Variants in ANKS1B observed in about 807,000 individuals in gnomAD.
The protein encoded by ANKS1B is ankyrin repeat and sterile alpha motif domain containing 1B.
ANKS1B carries 36 observed loss-of-function variants against 148.3 expected under a neutral mutation model. The ratio of observed to expected loss-of-function variants is 0.24; its 90% CI spans 0.19 to 0.32. ANKS1B has a LOEUF of 0.32. Among genes scored for constraint, ANKS1B ranks in the 10% least tolerant of loss-of-function variants. The pLI is 1.00. For synonymous variants in ANKS1B, 542 were observed against 560.8 expected (o/e 0.97, Z 0.47); for missense variants, 1,157 against 1,542.6 (o/e 0.75, Z 4.19).
intron 11 of ANKS1B, among the ~76,000 whole-genome samples, chr12:99,423,789 A>G (rs1371873545): frequency 1.3e-5 from 2 of 152,204 alleles, no homozygotes; most frequent in Non-Finnish European, 2.9e-5. Flanking sequence ...CTAAATGGTG[A>G]GAACATGTGA....
intron 1 of ANKS1B, among the ~76,000 whole-genome samples, chr12:99,949,503 T>C (rs541951367): frequency 6.6e-6 from 1 of 152,240 alleles, no homozygotes; most frequent in African/African-American, 2.4e-5. Flanking sequence ...AATAAGTTAC[T>C]GTAATAGTTC....
At chr12:99,484,011 CTTTG>C (rs2096453153) in intron 10 of ANKS1B, among the ~76,000 whole-genome samples, 1 of 151,622 alleles carries the variant, frequency 6.6e-6, no homozygotes, top group African/African-American at 2.4e-5. Context: ...TTGCTTTGAT[CTTTG>C]TTATCTTTTT....
At chr12:99,928,146 T>C (rs986637044) in intron 1 of ANKS1B, among the ~76,000 whole-genome samples, 4 of 152,090 alleles carry the variant, frequency 2.6e-5, no homozygotes, top group South Asian at 2.1e-4. Context: ...AATATAAATG[T>C]TATCCTAAGA....
chr12:98,881,326 CTT>C (rs1207844252), intron 17 of ANKS1B, among the ~76,000 whole-genome samples: 2 of 152,054 alleles, frequency 1.3e-5, no homozygotes, highest in Non-Finnish European at 2.9e-5. Flanking sequence ...GCTTTTATAG[CTT>C]TCCAGGTAGC....
chr12:99,025,035 G>T (rs1275715435), intron 17 of ANKS1B, among the ~76,000 whole-genome samples: 3 of 152,062 alleles, frequency 2.0e-5, no homozygotes, highest in African/African-American at 7.2e-5. Flanking sequence ...CCAAAACCTG[G>T]TGATTCCCCG....
At chr12:98,970,436 C>T (rs1430703867) in intron 17 of ANKS1B, among the ~76,000 whole-genome samples, 1 of 152,194 alleles carries the variant, frequency 6.6e-6, no homozygotes, top group Non-Finnish European at 1.5e-5. Context: ...ACCTGGCACA[C>T]AGCAGGCATT....
At chr12:99,564,787 A>G (rs907331662) in intron 9 of ANKS1B, among the ~76,000 whole-genome samples, 1 of 152,118 alleles carries the variant, frequency 6.6e-6, no homozygotes, top group African/African-American at 2.4e-5. Context: ...TATATCTTGA[A>G]ATTTTTCAAA....
chr12:99,752,792 A>G (rs2061232013), intron 8 of ANKS1B, among the ~76,000 whole-genome samples: 1 of 151,996 alleles, frequency 6.6e-6, no homozygotes, highest in Admixed American at 6.6e-5. Flanking sequence ...TCATTTTTTC[A>G]TCCATATAAA....
At chr12:99,627,908 C>T (rs1334351517) in intron 9 of ANKS1B, among the ~76,000 whole-genome samples, 1 of 152,142 alleles carries the variant, frequency 6.6e-6, no homozygotes, top group Non-Finnish European at 1.5e-5. Flanking sequence ...GCACCAACTA[C>T]TTGCTCACTG....
At chr12:99,506,514 CTGAAACCATGTCAGAGAAGAAATGA>C (rs1297650678) in intron 9 of ANKS1B, among the ~76,000 whole-genome samples, 4 of 151,940 alleles carry the variant, frequency 2.6e-5, no homozygotes, top group African/African-American at 9.7e-5. Flanking sequence ...GCATATAATT[CTGAAACCATGTCAGAGAAGAAATGA>C]TGAAAGGAAC....
At chr12:99,566,906 C>T (rs1262136634) in intron 9 of ANKS1B, among the ~76,000 whole-genome samples, 1 of 152,204 alleles carries the variant, frequency 6.6e-6, no homozygotes, top group Non-Finnish European at 1.5e-5. Flanking sequence ...TAGCCTTTGT[C>T]TACTGTCTAA....
intron 14 of ANKS1B, among the ~76,000 whole-genome samples, chr12:99,238,809 C>G (rs978724283): frequency 1.1e-4 from 16 of 152,168 alleles, no homozygotes; most frequent in Admixed American, 8.5e-4. Context: ...TCCAGCAGAC[C>G]TGCAGCTGAG....
intron 9 of ANKS1B, among the ~76,000 whole-genome samples, chr12:98,736,524 T>G (rs957419498): frequency 6.6e-6 from 1 of 152,032 alleles, no homozygotes; most frequent in East Asian, 1.9e-4. Flanking sequence ...GGATGCTGAG[T>G]AGGCGGGATG....
At chr12:99,388,632 A>G (rs1382510175) in intron 12 of ANKS1B, among the ~76,000 whole-genome samples, 1 of 152,174 alleles carries the variant, frequency 6.6e-6, no homozygotes, top group Non-Finnish European at 1.5e-5. Flanking sequence ...ACAGTTTACA[A>G]GAGTCAGGAG....
intron 8 of ANKS1B, among the ~76,000 whole-genome samples, chr12:99,707,242 C>G (rs1357390768): frequency 6.6e-6 from 1 of 152,004 alleles, no homozygotes. Flanking sequence ...TTTGCATCAT[C>G]CAGCTACTTA....
At chr12:99,731,412 C>CT (rs2059135047) in intron 8 of ANKS1B, among the ~76,000 whole-genome samples, 1 of 66,574 alleles carries the variant, frequency 1.5e-5, no homozygotes, top group Non-Finnish European at 3.0e-5. Context: ...AACCACCGTG[C>CT]CGTGTGTGTG....
chr12:99,678,746 T>G (rs1468163206), intron 8 of ANKS1B, among the ~76,000 whole-genome samples: 3 of 152,220 alleles, frequency 2.0e-5, no homozygotes, highest in Non-Finnish European at 1.5e-5. Context: ...ACCATTTTCT[T>G]AGAGACTCCA....
intron 9 of ANKS1B, chr12:99,649,253 G>A (rs372915791): frequency 1.3e-6 from 2 of 1,482,668 alleles, no homozygotes; most frequent in Non-Finnish European, 9.4e-7. Flanking sequence ...GATCTTGCTG[G>A]TCTCACTGTC....
At chr12:99,126,757 A>G (rs1176251909) in intron 15 of ANKS1B, among the ~76,000 whole-genome samples, 1 of 152,196 alleles carries the variant, frequency 6.6e-6, no homozygotes, top group Non-Finnish European at 1.5e-5. Flanking sequence ...GAAAATATAA[A>G]TGATCTGTGC....
Sources: allele counts gnomAD v4.1 joint callset (sites outside exome capture counted in the v4.1 genomes callset), GRCh38; gene constraint gnomAD v4.1.1; transcripts MANE v1.5; gene names NCBI Gene and HGNC (gene_info 2026-07-23, HGNC 2026-07-21).